The following IMMP2L variants were observed in gnomAD, a reference collection of about 807,000 sequenced individuals.
IMMP2L encodes the protein inner mitochondrial membrane peptidase subunit 2.
In IMMP2L, 18 loss-of-function variants were observed where a neutral mutation model predicts 19.3. The observed-to-expected ratio is 0.93, with a 90% confidence interval of 0.64 to 1.38. The LOEUF (loss-of-function observed/expected upper bound fraction) is 1.38. Among genes scored for constraint, IMMP2L ranks in the 40% most tolerant of loss-of-function variants. The pLI, the probability that IMMP2L is intolerant of heterozygous loss-of-function variation, is 0.00. For missense variants in IMMP2L, 233 were observed against 218.2 expected (o/e 1.07, Z -0.43); for synonymous variants, 76 against 73.0 (o/e 1.04, Z -0.21).
At chr7:111,509,838 T>C (rs1173859300) in intron 2 of IMMP2L, among the ~76,000 whole-genome samples, 1 of 152,118 alleles carries the variant, frequency 6.6e-6, no homozygotes, top group African/African-American at 2.4e-5. Context: ...TTAATGATCA[T>C]AATTTCATTT....
intron 3 of IMMP2L, among the ~76,000 whole-genome samples, chr7:111,197,585 G>T (rs1809648841): frequency 6.6e-6 from 1 of 152,066 alleles, no homozygotes; most frequent in Non-Finnish European, 1.5e-5. Context: ...GGCAATCAAA[G>T]ATAAAATAAT....
intron 3 of IMMP2L, among the ~76,000 whole-genome samples, chr7:111,173,252 T>C (rs556007988): frequency 1.3e-5 from 2 of 151,764 alleles, no homozygotes; most frequent in East Asian, 3.9e-4. Flanking sequence ...TCTCTTTAGA[T>C]GAAATAAAAT....
intron 3 of IMMP2L, among the ~76,000 whole-genome samples, chr7:111,022,322 G>A (rs1209447928): frequency 6.6e-6 from 1 of 152,266 alleles, no homozygotes; most frequent in African/African-American, 2.4e-5. Flanking sequence ...CAGAATCAGT[G>A]ACATCCTTAG....
intron 3 of IMMP2L, among the ~76,000 whole-genome samples, chr7:111,133,606 GA>G (rs1251070953): frequency 6.6e-6 from 1 of 151,780 alleles, no homozygotes; most frequent in South Asian, 2.1e-4. Flanking sequence ...AATATCCTAG[GA>G]AAAAAATGAC....
chr7:110,743,539 G>A (rs936566259), intron 5 of IMMP2L, among the ~76,000 whole-genome samples: 3 of 152,142 alleles, frequency 2.0e-5, no homozygotes, highest in Admixed American at 1.3e-4. Context: ...AGTTCCCAGC[G>A]AGATCGACAC....
intron 3 of IMMP2L, among the ~76,000 whole-genome samples, chr7:111,378,434 T>C (rs1267619953): frequency 6.6e-6 from 1 of 152,004 alleles, no homozygotes; most frequent in East Asian, 1.9e-4. Context: ...AAAATGTTCA[T>C]GACTTTTATA....
intron 3 of IMMP2L, among the ~76,000 whole-genome samples, chr7:111,383,627 T>C (rs1199902043): frequency 6.6e-6 from 1 of 152,034 alleles, no homozygotes; most frequent in Non-Finnish European, 1.5e-5. Context: ...TGTTGGCTTC[T>C]ATACATTTTT....
At chr7:111,428,562 C>T (rs1465369285) in intron 3 of IMMP2L, among the ~76,000 whole-genome samples, 1 of 146,530 alleles carries the variant, frequency 6.8e-6, no homozygotes, top group Admixed American at 6.7e-5. Flanking sequence ...TTCTTTGATA[C>T]AGTAACTTTC....
chr7:111,464,047 G>A (rs1290643825), intron 3 of IMMP2L, among the ~76,000 whole-genome samples: 1 of 152,086 alleles, frequency 6.6e-6, no homozygotes, highest in Non-Finnish European at 1.5e-5. Context: ...AGAAGGATAT[G>A]GCAGAGGTCA....
intron 3 of IMMP2L, among the ~76,000 whole-genome samples, chr7:111,019,352 C>A (rs1826045784): frequency 6.6e-6 from 1 of 152,074 alleles, no homozygotes; most frequent in Non-Finnish European, 1.5e-5. Context: ...GAACAGAGTT[C>A]AGGCAGCAGG....
intron 4 of IMMP2L, among the ~76,000 whole-genome samples, chr7:110,894,316 T>C (rs799639): frequency 0.079 from 12,002 of 152,260 alleles, 1,533 homozygotes; most frequent in African/African-American, 0.27. Flanking sequence ...ATGGGACCTG[T>C]GTTTGGTTAC....
At chr7:111,014,871 C>T (rs1825347021) in intron 3 of IMMP2L, among the ~76,000 whole-genome samples, 1 of 152,058 alleles carries the variant, frequency 6.6e-6, no homozygotes, top group South Asian at 2.1e-4. Flanking sequence ...CCATTAGGAT[C>T]ACACCTATCA....
chr7:111,290,032 C>T (rs1160548748), intron 3 of IMMP2L, among the ~76,000 whole-genome samples: 1 of 152,126 alleles, frequency 6.6e-6, no homozygotes, highest in Non-Finnish European at 1.5e-5. Flanking sequence ...CACTCACATT[C>T]TTATTGCAAA....
In IMMP2L at chr7:110,882,601, G is replaced by C. The variant is rs539416284; in HGVS notation, c.408+3992C>G. Among the ~76,000 whole-genome samples, 110 of 151,938 alleles carry C rather than the reference G, an allele frequency of 7.2e-4. 1 individual carries two copies. The highest frequency in any genetic ancestry group is 2.6e-3 in the African/African-American group (108 of 41,460). On this transcript the variant is annotated intron_variant, in intron 5 of 5. Transcript: ENST00000405709. ...TCACCATGTTGGTCAGGCTGGTCTC[G>C]AACTCCTGACCTCAGGTGATCCACC...
At chr7:110,875,867 C>T (rs546619445) in intron 5 of IMMP2L, among the ~76,000 whole-genome samples, 69 of 152,164 alleles carry the variant, frequency 4.5e-4, no homozygotes, top group African/African-American at 1.5e-3. Context: ...GTTCAATATT[C>T]CACAACTTGA....
At chr7:111,242,528 T>A (rs924308981) in intron 3 of IMMP2L, among the ~76,000 whole-genome samples, 1 of 152,048 alleles carries the variant, frequency 6.6e-6, no homozygotes, top group African/African-American at 2.4e-5. Context: ...AAAAATCCAA[T>A]GAGCTACAAA....
chr7:111,072,485 C>A (rs1446914801), intron 3 of IMMP2L, among the ~76,000 whole-genome samples: 3 of 151,870 alleles, frequency 2.0e-5, no homozygotes, highest in African/African-American at 7.3e-5. Flanking sequence ...AAATGTGTAA[C>A]CTCAATCCAT....
intron 5 of IMMP2L, among the ~76,000 whole-genome samples, chr7:110,745,680 C>A (rs561458125): frequency 3.9e-5 from 6 of 152,236 alleles, no homozygotes; most frequent in East Asian, 1.9e-4. Context: ...GAAATAAAAT[C>A]CTTTACAGAC....
At chr7:110,855,736 C>T (rs1486021248) in intron 5 of IMMP2L, among the ~76,000 whole-genome samples, 1 of 151,990 alleles carries the variant, frequency 6.6e-6, no homozygotes. Flanking sequence ...AATTCATCTT[C>T]TTCAAGATTT....
Sources: allele counts gnomAD v4.1 joint callset (sites outside exome capture counted in the v4.1 genomes callset), GRCh38; gene constraint gnomAD v4.1.1; transcripts MANE v1.5; gene names NCBI Gene and HGNC (gene_info 2026-07-23, HGNC 2026-07-21).